CARS1: variants seen among roughly 807,000 people sequenced by gnomAD.
CARS1 encodes the protein cysteine--tRNA ligase, cytoplasmic.
A neutral mutation model predicts 106.2 loss-of-function variants in CARS1; 48 were observed. The observed-to-expected ratio is 0.45, with a 90% CI of 0.36 to 0.57. The LOEUF (loss-of-function observed/expected upper bound fraction) is 0.57, where lower values mean the gene tolerates loss of function less well. Among genes scored for constraint, CARS1 ranks in the 20% least tolerant of loss-of-function variants. The pLI, the probability that CARS1 is intolerant of heterozygous loss-of-function variation, is 0.00. For synonymous variants in CARS1, 409 were observed against 403.4 expected, an observed-to-expected ratio of 1.01 and a Z score of -0.17; for missense variants, 968 against 1,057.2, an observed-to-expected ratio of 0.92 and a Z score of 1.17.
intron 18 of CARS1, among the ~76,000 whole-genome samples, chr11:3,011,393 C>T (rs1026477579): frequency 2.0e-5 from 3 of 151,412 alleles, no homozygotes; most frequent in African/African-American, 7.3e-5. Flanking sequence ...ATCACGAGGT[C>T]AGGAGATCGA....
rs1855917807 is a variant in CARS1, at chr11:3,053,797, T to C, written c.25+3546A>G. Among the ~76,000 whole-genome samples the C allele has an allele frequency of 6.6e-6, 1 of 152,148 alleles. No homozygotes were observed. The highest frequency in any genetic ancestry group is 1.5e-5 in the Non-Finnish European group (1 of 68,018). ...CCCCTTTACAGCAGGTCTGAGCTCC[T>C]AATAAGTGCCCCGGTTTGGTGGGGG... On this transcript the variant is annotated intron_variant, in intron 1 of 22. Transcript: ENST00000380525. This position sits in a 1 kb window ranked among gnomAD's most constrained non-coding sequence, Gnocchi z 6.6.
intron 10 of CARS1, 107 bp downstream of exon 10, chr11:3,026,569 G>T (rs1377020617): frequency 1.7e-6 from 2 of 1,186,460 alleles, no homozygotes; most frequent in East Asian, 2.4e-5. Context: ...CTGTTCCCAA[G>T]AGTCTGAGGG....
Position 3,041,606 on chromosome 11 carries a change from A to G in CARS1, c.366+559T>C, listed in dbSNP as rs186808362. 5.9e-5 allele frequency among the ~76,000 whole-genome samples: 9 copies of G among 152,198 alleles called. No individual in the cohort carries two copies. In the East Asian group the frequency reaches 1.5e-3, roughly 26 times the overall value. ...CTCACACCTGACTCTCTGTCTGCCA[A>G]ACATGCTCCCTGATGGAAATCCAAG... On this transcript the variant is annotated intron_variant, in intron 3 of 22. Transcript: ENST00000380525. This position sits in a 1 kb window ranked among gnomAD's most constrained non-coding sequence, Gnocchi z 4.9.
intron 18 of CARS1, among the ~76,000 whole-genome samples, chr11:3,010,018 T>G (rs1387341813): frequency 6.6e-6 from 1 of 152,184 alleles, no homozygotes; most frequent in Non-Finnish European, 1.5e-5. Context: ...TATGGGATGA[T>G]GTACAGGGTA....
rs572373 is a variant in CARS1, at chr11:3,034,131, T to C, written c.801+3919A>G. ...AACAGAATTAAGAGACACAAACACA[T>C]GCCAACATGTAACAGAGATGAATTC... On this transcript the variant is annotated intron_variant, in intron 7 of 22. Coordinates refer to ENST00000380525, the MANE Select transcript of CARS1 (RefSeq NM_001014437.3). This position sits in a 1 kb window ranked among gnomAD's most constrained non-coding sequence, Gnocchi z 6.3. Among the ~76,000 whole-genome samples, 70,558 of 151,980 alleles carry C rather than the reference T, an allele frequency of 0.46. 17,626 individuals are homozygous for C. The highest frequency in any genetic ancestry group is 0.65 in the African/African-American group (27,026 of 41,448).
intron 7 of CARS1, among the ~76,000 whole-genome samples, chr11:3,033,847 G>A (rs140461917): frequency 2.3e-4 from 35 of 152,250 alleles, no homozygotes; most frequent in Non-Finnish European, 4.4e-4. Context: ...CACACCTAAC[G>A]ACAAAACCAA....
rs1026716245 is a variant in CARS1, at chr11:3,052,873, C to A, written c.25+4470G>T. 6.6e-6 allele frequency among the ~76,000 whole-genome samples: 1 copy of A among 152,226 alleles called. No homozygotes were observed. The highest frequency in any genetic ancestry group is 2.4e-5 in the African/African-American group (1 of 41,456). ...GAAAACCTCCCAGGGACCTGTTCCT[C>A]GACACTGGCCCTCATCGTAGAGCCT... On this transcript the variant is annotated intron_variant, in intron 1 of 22. Coordinates refer to ENST00000380525, the MANE Select transcript of CARS1 (RefSeq NM_001014437.3). The surrounding 1 kb of genome is among the most constrained non-coding windows in gnomAD (Gnocchi z 4.6).
chr11:3,041,197 G>A lies in CARS1; in HGVS notation c.367-213C>T. On this transcript the variant is annotated intron_variant, in intron 3 of 22. Coordinates refer to ENST00000380525, the MANE Select transcript of CARS1 (RefSeq NM_001014437.3). This position sits in a 1 kb window ranked among gnomAD's most constrained non-coding sequence, Gnocchi z 4.9. ...ACCAACTGAGCCCTGGGTGGGTGGGGCCTCTTCCTCCCTGGGGTTCTACTC... is the reference window on the plus strand; with the variant it reads ...ACCAACTGAGCCCTGGGTGGGTGGGACCTCTTCCTCCCTGGGGTTCTACTC... 3.5e-6 allele frequency: 2 copies of A among 577,744 alleles called. No individual in the cohort carries two copies. Among genetic ancestry groups the A allele is most frequent in the Non-Finnish European group, 5.9e-6 (2 of 336,650 alleles). 35.8% of individuals were successfully genotyped at this position (577,744 alleles called of 1,614,324 possible). A position where few individuals can be genotyped will look rare whatever the true frequency, so the allele number is the denominator to read the frequency against.
In CARS1 at chr11:3,039,674, A is replaced by G. The variant is rs1854166259; in HGVS notation, c.552+161T>C. The stretch of plus-strand genomic sequence containing the variant: ...ACATCATAGAAATGATCATATCAGT[A>G]GCAGAAGTGGTAATATTAACTCACT... On this transcript the variant is annotated intron_variant, in intron 5 of 22. Transcript: ENST00000380525. The surrounding 1 kb of genome is among the most constrained non-coding windows in gnomAD (Gnocchi z 5.6). 6.6e-6 allele frequency among the ~76,000 whole-genome samples: 1 copy of G among 152,248 alleles called. No homozygotes were observed.
chr11:3,043,919 A>G lies in CARS1; in HGVS notation c.275-1663T>C, dbSNP rs956913300. On this transcript the variant is annotated intron_variant, in intron 2 of 22. Coordinates refer to ENST00000380525, the MANE Select transcript of CARS1 (RefSeq NM_001014437.3). The surrounding 1 kb of genome is among the most constrained non-coding windows in gnomAD (Gnocchi z 4.0). Reference sequence around the variant, plus strand: ...ACTCTAGGTGAGTTCCAGTGGTCACAGGTGGTCAGATTCTAAAGCGTAGGC... The same window carrying G: ...ACTCTAGGTGAGTTCCAGTGGTCACGGGTGGTCAGATTCTAAAGCGTAGGC... 1.3e-5 allele frequency among the ~76,000 whole-genome samples: 2 copies of G among 152,156 alleles called. No homozygotes were observed. Among genetic ancestry groups the G allele is most frequent in the Non-Finnish European group, 2.9e-5 (2 of 68,014 alleles).
Position 3,020,027 on chromosome 11 carries a change from T to G in CARS1, c.1266+193A>C, listed in dbSNP as rs1851427038. On this transcript the variant is annotated intron_variant, in intron 11 of 22. Coordinates refer to ENST00000380525, the MANE Select transcript of CARS1 (RefSeq NM_001014437.3). This position sits in a 1 kb window ranked among gnomAD's most constrained non-coding sequence, Gnocchi z 4.6. ...ACAGAAATCCCAGGAGGGAAGTGATTTGTCCAGAGACTCAGGGAGTCTCCA... is the reference window on the plus strand; with the variant it reads ...ACAGAAATCCCAGGAGGGAAGTGATGTGTCCAGAGACTCAGGGAGTCTCCA... Among the ~76,000 whole-genome samples the G allele has an allele frequency of 6.6e-6, 1 of 152,198 alleles. No homozygotes were observed. Among genetic ancestry groups the G allele is most frequent in the Non-Finnish European group, 1.5e-5 (1 of 68,028 alleles).
rs1425683170 is a variant in CARS1 at position 3,001,157 on chromosome 11, T to C, written c.2453A>G (p.Tyr818Cys). The C allele has an allele frequency of 6.2e-7, 1 of 1,614,014 alleles. No homozygotes were observed. Among genetic ancestry groups the C allele is most frequent in the Non-Finnish European group, 8.5e-7 (1 of 1,180,024 alleles). Residue 818 changes from tyrosine to cysteine, a missense_variant, in exon 23 of 23, where the codon TAC becomes TGC. By Grantham distance (194) the Tyr-to-Cys change is radical. Transcript: ENST00000380525. ...CTGGGCCATCTGCAGATATTCCTTG[T>C]AGAGCTTCTCCTGAGCCTCGAAGAG... ...KKLFEAQEKL[Y>C]KEYLQMAQNG...
chr11:3,026,416 C>T (rs413368), intron 10 of CARS1, among the ~76,000 whole-genome samples: 1 of 152,138 alleles, frequency 6.6e-6, no homozygotes, highest in Non-Finnish European at 1.5e-5. Flanking sequence ...TCATCACACA[C>T]GGTGTGCATG....
intron 18 of CARS1, 76 bp downstream of exon 18, chr11:3,012,119 C>G: frequency 7.5e-7 from 1 of 1,334,976 alleles, no homozygotes; most frequent in Non-Finnish European, 1.1e-6. Context: ...GCCATAGTGC[C>G]TCGGGGGAGA....
rs942269848 is a variant in CARS1 at position 3,047,862 on chromosome 11, C to T, written c.165G>A (p.Ser55=). The T allele has an allele frequency of 6.8e-6, 11 of 1,613,968 alleles. No homozygotes were observed. Among genetic ancestry groups the T allele is most frequent in the Admixed American group, 3.3e-5 (2 of 60,004 alleles). The change falls in exon 2 of 23, where the codon TCG becomes TCA. Residue 55 remains serine (S), a synonymous_variant. Coordinates refer to ENST00000380525, the MANE Select transcript of CARS1 (RefSeq NM_001014437.3). Reference sequence around the variant, plus strand: ...AGAGCTGGGGGTCAGCGGGCGGGGCCGAGAGCTGCCTGAACGCGTCCACGT... The same window carrying T: ...AGAGCTGGGGGTCAGCGGGCGGGGCTGAGAGCTGCCTGAACGCGTCCACGT... ...QADVDAFRQL[S]APPADPQLFH... is the part of the protein sequence containing the mutation.
rs540573888 is a variant in CARS1 at position 3,043,370 on chromosome 11, C to T, written c.275-1114G>A. 3.9e-5 allele frequency among the ~76,000 whole-genome samples: 6 copies of T among 152,090 alleles called. No individual in the cohort carries two copies. Among genetic ancestry groups the T allele is most frequent in the African/African-American group, 9.6e-5 (4 of 41,484 alleles). ...TGGTGACTTTCCCGTTGCCCTCAGC[C>T]GGCTCCTGCCTGCCCTGCCCCCTCA... On this transcript the variant is annotated intron_variant, in intron 2 of 22. Coordinates refer to ENST00000380525, the MANE Select transcript of CARS1 (RefSeq NM_001014437.3). This position sits in a 1 kb window ranked among gnomAD's most constrained non-coding sequence, Gnocchi z 4.0.
Position 3,035,988 on chromosome 11 carries a change from GC to G in CARS1, c.801+2061del, listed in dbSNP as rs560380810. On this transcript the variant is annotated intron_variant, in intron 7 of 22. Coordinates refer to ENST00000380525, the MANE Select transcript of CARS1 (RefSeq NM_001014437.3). ...CTGTTGAACAAACACTGTGGCTTATGCAGGTGGAACACCAGCTTTCCTCCTG... is the reference window on the plus strand; with the variant it reads ...CTGTTGAACAAACACTGTGGCTTATGAGGTGGAACACCAGCTTTCCTCCTG... Among the ~76,000 whole-genome samples, 5 of 152,360 alleles carry G rather than the reference GC, an allele frequency of 3.3e-5. No homozygotes were observed. In the South Asian group the frequency reaches 1.0e-3, roughly 32 times the overall value.
chr11:3,051,261 A>G (rs550277397), intron 1 of CARS1, among the ~76,000 whole-genome samples: 3 of 152,358 alleles, frequency 2.0e-5, no homozygotes, highest in South Asian at 4.1e-4. Flanking sequence ...CCAAGGAAAG[A>G]GAAAGACAGG....
intron 18 of CARS1, among the ~76,000 whole-genome samples, chr11:3,009,728 T>TG (rs1565022721): frequency 6.6e-6 from 1 of 152,110 alleles, no homozygotes. Context: ...GACTGGACCA[T>TG]GGGGGTATTT....
Sources: allele counts gnomAD v4.1 joint callset (sites outside exome capture counted in the v4.1 genomes callset), GRCh38; gene constraint gnomAD v4.1.1; non-coding constraint Gnocchi (gnomAD v3.1); transcripts MANE v1.5; gene names NCBI Gene and HGNC (gene_info 2026-07-23, HGNC 2026-07-21).